MUC5AC: variants seen among roughly 807,000 people sequenced by gnomAD.
MUC5AC encodes mucin 5AC, oligomeric mucus/gel-forming, also known as mucin-5AC.
Under a neutral mutation model 169.7 loss-of-function variants are expected in MUC5AC, and 158 were observed. That is an observed-to-expected ratio of 0.93 (90% CI 0.82 to 1.06). The LOEUF (loss-of-function observed/expected upper bound fraction) is 1.06. Among genes scored for constraint, MUC5AC ranks in the 50% least tolerant of loss-of-function variants. The pLI, the probability that MUC5AC is intolerant of heterozygous loss-of-function variation, is 0.00. For synonymous variants in MUC5AC, 1,975 were observed against 1,237.0 expected, an observed-to-expected ratio of 1.60 and a Z score of -12.52; for missense variants, 4,359 against 3,089.9, an observed-to-expected ratio of 1.41 and a Z score of -9.74.
At chr11:1,171,003 CTCACCCAT>C (rs1860502628) in intron 15 of MUC5AC, among the ~76,000 whole-genome samples, 3 of 133,162 alleles carry the variant, frequency 2.3e-5, no homozygotes, top group South Asian at 5.6e-4. Flanking sequence ...CACTCACCCA[CTCACCCAT>C]TCACCCATTC....
At chr11:1,178,172 C>T (rs1480042339) in intron 24 of MUC5AC, among the ~76,000 whole-genome samples, 1 of 152,254 alleles carries the variant, frequency 6.6e-6, no homozygotes. Flanking sequence ...TTAGGCGGGT[C>T]CTTCGAGGCC....
intron 9 of MUC5AC, among the ~76,000 whole-genome samples, chr11:1,165,099 G>A (rs1285413459): frequency 2.0e-5 from 3 of 149,528 alleles, no homozygotes; most frequent in Non-Finnish European, 4.5e-5. Flanking sequence ...GGCCCCCTGA[G>A]GCTGGCTGAG....
In MUC5AC at chr11:1,176,419, G is replaced by A. The variant is rs958041736; in HGVS notation, c.2503-95G>A. On this transcript the variant is annotated intron_variant, in intron 20 of 48. Coordinates refer to ENST00000621226, the MANE Select transcript of MUC5AC (RefSeq NM_001304359.2). ...CGCTCCCGGACTCCCTGGTCCTGTGGTCCCTCCACTGTGGTGTGGGTGAGC... is the reference window on the plus strand; with the variant it reads ...CGCTCCCGGACTCCCTGGTCCTGTGATCCCTCCACTGTGGTGTGGGTGAGC... The A allele has an allele frequency of 3.3e-4, 133 of 398,836 alleles. No individual in the cohort carries two copies. In the South Asian group the frequency reaches 0.016, roughly 47 times the overall value. The allele number at this position is 398,836 out of a possible 1,614,324, so 24.7% of individuals were successfully genotyped here.
Position 1,179,097 on chromosome 11 carries a change from G to A in MUC5AC, c.3333G>A (p.Glu1111=), listed in dbSNP as rs993618818. ...TGAAGCCCCGTCTCCCTCAGGTGGAGCCGGCCAGGTACTACGAGGCCTGCG... is the reference window on the plus strand; with the variant it reads ...TGAAGCCCCGTCTCCCTCAGGTGGAACCGGCCAGGTACTACGAGGCCTGCG... ...PTFAACHAHV[E]PARYYEACVN... The change falls in exon 26 of 49, where the codon GAG becomes GAA. Residue 1111 remains glutamate, a synonymous_variant. Transcript: ENST00000621226. The A allele has an allele frequency of 6.0e-5, 34 of 565,232 alleles. No homozygotes were observed. Among genetic ancestry groups the A allele is most frequent in the Non-Finnish European group, 1.0e-4 (31 of 309,848 alleles). 35.0% of individuals were successfully genotyped at this position (565,232 alleles called of 1,614,324 possible).
Position 1,194,209 on chromosome 11 carries a change from T to C in MUC5AC, c.14855T>C (p.Val4952Ala). Residue 4952 changes from valine (V) to alanine (A), a missense_variant, in exon 34 of 49, where the codon GTG (valine) becomes GCG (alanine). By Grantham distance (64) the Val-to-Ala change is moderately conservative. Transcript: ENST00000621226. The stretch of plus-strand genomic sequence containing the variant: ...ACGTACGTGCTGGTGCAGCAGATTG[T>C]GCCCGTGTATGGCCACTTCCGCGTG... ...NCTYVLVQQI[V>A]PVYGHFRVLV... 2 of 765,064 alleles carry C rather than the reference T, an allele frequency of 2.6e-6. No individual in the cohort carries two copies. Among genetic ancestry groups the C allele is most frequent in the South Asian group, 2.7e-5 (2 of 74,632 alleles). 47.4% of individuals were successfully genotyped at this position (765,064 alleles called of 1,614,324 possible).
intron 5 of MUC5AC, 57 bp from the exon 6 acceptor site, chr11:1,162,898 C>T: frequency 6.6e-7 from 1 of 1,521,892 alleles, no homozygotes; most frequent in Non-Finnish European, 9.1e-7. Flanking sequence ...AGGCTCGAGC[C>T]TCATCTGTCC....
Position 1,188,294 on chromosome 11 carries a change from C to G in MUC5AC, c.10149C>G (p.Thr3383=). 1 of 697,832 alleles carries G rather than the reference C, an allele frequency of 1.4e-6. No individual in the cohort carries two copies. Among genetic ancestry groups the G allele is most frequent in the Non-Finnish European group, 2.6e-6 (1 of 383,608 alleles). 43.2% of individuals were successfully genotyped at this position (697,832 alleles called of 1,614,324 possible). Residue 3383 remains threonine, a synonymous_variant, in exon 31 of 49, where the codon ACC becomes ACG. Coordinates refer to ENST00000621226, the MANE Select transcript of MUC5AC (RefSeq NM_001304359.2). ...STTSAPTTST[T]SAPTTSTTSA... ...CCTCTGCTCCTACAACCAGCACAACCTCTGCTCCCACAACCAGCACAACTT... is the reference window on the plus strand; with the variant it reads ...CCTCTGCTCCTACAACCAGCACAACGTCTGCTCCCACAACCAGCACAACTT...
Position 1,192,149 on chromosome 11 carries a change from T to A in MUC5AC, c.14004T>A (p.Pro4668=), listed in dbSNP as rs747503884. ...GTGGGGAAAAAATCTGCCGCCGACC[T>A]GAGGAGATCACCAGGCTCCAGTGCC... ...IRSGEKICRR[P]EEITRLQCRA... is the part of the protein sequence containing the mutation. Residue 4668 remains proline (P), a synonymous_variant, in exon 31 of 49, where the codon CCT becomes CCA. Coordinates refer to ENST00000621226, the MANE Select transcript of MUC5AC (RefSeq NM_001304359.2). 3 of 764,996 alleles carry A rather than the reference T, an allele frequency of 3.9e-6. No homozygotes were observed. The Admixed American group carries it at 5.1e-5, about 13-fold the overall frequency. The allele number at this position is 764,996 out of a possible 1,614,324, so 47.4% of individuals were successfully genotyped here.
At chr11:1,161,474 C>T (rs1349657080) in intron 2 of MUC5AC, 53 bp from the exon 3 acceptor site, 21 of 1,436,654 alleles carry the variant, frequency 1.5e-5, no homozygotes, top group African/African-American at 1.4e-5. Context: ...GGCTGCGGAG[C>T]CCCCGCCCCA....
Position 1,186,815 on chromosome 11 carries a change from C to A in MUC5AC, c.8670C>A (p.Thr2890=). 1.3e-6 allele frequency: 1 copy of A among 742,498 alleles called. No homozygotes were observed. The allele number at this position is 742,498 out of a possible 1,614,324, so 46.0% of individuals were successfully genotyped here. A position where few individuals can be genotyped will look rare whatever the true frequency, so the allele number is the denominator to read the frequency against. The change falls in exon 31 of 49, where the codon ACC becomes ACA. Residue 2890 remains threonine, a synonymous_variant. Coordinates refer to ENST00000621226, the MANE Select transcript of MUC5AC (RefSeq NM_001304359.2). ...PGTTPSPVPT[T]STTSAPTTRT... ...CTACTCCCAGCCCTGTTCCCACCAC[C>A]AGTACAACCTCTGCTCCTACAACCA...
At chr11:1,176,843 C>T (rs1860699116) in intron 21 of MUC5AC, 85 bp from the exon 22 acceptor site, 1 of 398,530 alleles carries the variant, frequency 2.5e-6, no homozygotes, top group Admixed American at 4.4e-5. Flanking sequence ...TCTATGGTGC[C>T]AGGTCCCCCC....
At chr11:1,174,353 G>C in intron 16 of MUC5AC, 143 bp from the exon 17 acceptor site, 1 of 566,626 alleles carries the variant, frequency 1.8e-6, no homozygotes, top group Non-Finnish European at 3.1e-6. Flanking sequence ...CAGGATGCCT[G>C]TGAGGACTCA....
Position 1,164,541 on chromosome 11 carries a change from C to T in MUC5AC, c.1129+9C>T, listed in dbSNP as rs748994659. ...CTGCTTCTGCCCTGAGGGTGAGGCT[C>T]CCCCGCCCCTGGGAAACACAGGTGC... On this transcript the variant is annotated intron_variant, in intron 9 of 48. Transcript: ENST00000621226. 1.9e-6 allele frequency: 3 copies of T among 1,599,620 alleles called. No homozygotes were observed. In the African/African-American group the frequency reaches 4.0e-5, roughly 21 times the overall value.
rs952734026 is a variant in MUC5AC, at chr11:1,176,170, G to A, written c.2421G>A (p.Val807=). ...CCCCAGTGTGTGCTGCGCCCATGGT[G>A]TTCTTTGACTGCCGAAATGCCACGC... ...APAPVCAAPM[V]FFDCRNATPG... Residue 807 remains valine, a synonymous_variant, in exon 20 of 49, where the codon GTG becomes GTA. Transcript: ENST00000621226. 1 of 398,730 alleles carries A rather than the reference G, an allele frequency of 2.5e-6. No individual in the cohort carries two copies. The highest frequency in any genetic ancestry group is 4.4e-6 in the Non-Finnish European group (1 of 226,122). The allele number at this position is 398,730 out of a possible 1,614,324, so 24.7% of individuals were successfully genotyped here.
In MUC5AC at chr11:1,164,009, C is replaced by T. The variant is rs528036772; in HGVS notation, c.789+18C>T. 4.7e-5 allele frequency: 75 copies of T among 1,608,782 alleles called. No homozygotes were observed. The African/African-American group carries it at 9.5e-4, about 20-fold the overall frequency. On this transcript the variant is annotated intron_variant, in intron 7 of 48. Coordinates refer to ENST00000621226, the MANE Select transcript of MUC5AC (RefSeq NM_001304359.2). ...CTGGCTTTGTAAGCCTTGGAGGGAA[C>T]AGAGGGCCCAGCAGGTTGAGCAGGA...
In MUC5AC at chr11:1,190,917, A is replaced by T. The variant is rs1250600243; in HGVS notation, c.12772A>T (p.Ser4258Cys). ...STTSGPGTTP[S>C]PVPSTSTTSA... ...AACCTCTGGTCCTGGAACTACTCCA[A>T]GCCCTGTTCCCAGCACCAGTACAAC... Residue 4258 changes from serine (S) to cysteine (C), a missense_variant, in exon 31 of 49, where the codon AGC becomes TGC. Physicochemically the swap from Ser to Cys is moderately radical, Grantham distance 112. Transcript: ENST00000621226. 4.1e-6 allele frequency: 3 copies of T among 738,372 alleles called. No individual in the cohort carries two copies. The highest frequency in any genetic ancestry group is 1.8e-5 in the Admixed American group (1 of 54,926). 45.7% of individuals were successfully genotyped at this position (738,372 alleles called of 1,614,324 possible).
rs1388910039 is a variant in MUC5AC, at chr11:1,190,992, TCTG to T, written c.12850_12852del (p.Ala4284del). The T allele has an allele frequency of 1.3e-6, 1 of 747,620 alleles. No homozygotes were observed. The highest frequency in any genetic ancestry group is 1.8e-5 in the African/African-American group (1 of 56,026). 46.3% of individuals were successfully genotyped at this position (747,620 alleles called of 1,614,324 possible). ...CTCTGCTCCTACAACCAGAACAACA[TCTG>T]CTCCTACAAGCAGCATGACCTCTGG... On this transcript the variant is annotated inframe_deletion, in exon 31 of 49. Transcript: ENST00000621226.
chr11:1,181,047 C>T (rs1018910221), intron 28 of MUC5AC, 92 bp from the exon 29 acceptor site: 7 of 398,356 alleles, frequency 1.8e-5, no homozygotes, highest in Non-Finnish European at 2.7e-5. Context: ...CCTGTCGGAG[C>T]TGCTCCCTGC....
chr11:1,196,713 C>A lies in MUC5AC; in HGVS notation c.15822C>A (p.Gly5274=). ...STSAQVCVPT[G]CPRCLGPHGE... ...GTGCCCAAGTCTGCGTGCCCACGGG[C>A]TGCCCCAGTACGTGCCCCAGGCCGG... The change falls in exon 39 of 49, where the codon GGC becomes GGA. Residue 5274 remains glycine, a synonymous_variant. Coordinates refer to ENST00000621226, the MANE Select transcript of MUC5AC (RefSeq NM_001304359.2). 1.3e-6 allele frequency: 1 copy of A among 756,712 alleles called. No individual in the cohort carries two copies. Among genetic ancestry groups the A allele is most frequent in the Non-Finnish European group, 2.4e-6 (1 of 414,246 alleles). The allele number at this position is 756,712 out of a possible 1,614,324, so 46.9% of individuals were successfully genotyped here.
Sources: allele counts gnomAD v4.1 joint callset (sites outside exome capture counted in the v4.1 genomes callset), GRCh38; gene constraint gnomAD v4.1.1; transcripts MANE v1.5; gene names NCBI Gene and HGNC (gene_info 2026-07-23, HGNC 2026-07-21).